Variants in PRICKLE4 observed in about 807,000 individuals in gnomAD.
PRICKLE4 encodes prickle-like protein 4.
PRICKLE4 carries 40 observed loss-of-function variants against 43.5 expected under a neutral mutation model. The observed-to-expected ratio is 0.92, with a 90% CI of 0.71 to 1.20. The LOEUF (loss-of-function observed/expected upper bound fraction) is 1.20. Among genes scored for constraint, PRICKLE4 ranks in the 50% most tolerant of loss-of-function variants. The pLI is 0.00. For missense variants in PRICKLE4, 527 were observed against 491.2 expected (o/e 1.07, Z -0.69); for synonymous variants, 208 against 197.4 (o/e 1.05, Z -0.45).
rs1772683660 is a variant in PRICKLE4, at chr6:41,787,346, T to G, written c.*217T>G. ...CTTGGCAAAACCCATTCCCCAAAGC[T>G]ACGCTTCCCCTGCTGAGATAGCCCC... is the stretch of plus-strand genomic sequence containing the variant. On this transcript the variant is annotated 3_prime_UTR_variant, in exon 8 of 8. Coordinates refer to ENST00000458694, the MANE Select transcript of PRICKLE4 (RefSeq NM_013397.6). 3 of 713,804 alleles carry G rather than the reference T, an allele frequency of 4.2e-6. No individual in the cohort carries two copies. The South Asian group carries it at 6.3e-5, about 15-fold the overall frequency. The allele number at this position is 713,804 out of a possible 1,614,324, so 44.2% of individuals were successfully genotyped here. A position where few individuals can be genotyped will look rare whatever the true frequency, so the allele number is the denominator to read the frequency against.
chr6:41,782,527 C>G (rs893131770), intron 2 of PRICKLE4, among the ~76,000 whole-genome samples: 3 of 151,812 alleles, frequency 2.0e-5, no homozygotes, highest in Admixed American at 1.3e-4. Flanking sequence ...GTAGCTGGGA[C>G]TATAGGCGCC....
In PRICKLE4 at chr6:41,787,068, C is replaced by A; in HGVS notation, c.1094C>A (p.Thr365Asn). ...LGERLPQSWK[T>N]PGSLQAEDSN... ...GAGCGCCTTCCCCAGTCCTGGAAGA[C>A]CCCCGGAAGCCTCCAAGCAGAGGAC... The change falls in exon 8 of 8, where the codon ACC becomes AAC. Residue 365 changes from threonine (T) to asparagine (N), a missense_variant. Transcript: ENST00000458694. The A allele has an allele frequency of 6.2e-7, 1 of 1,613,138 alleles. No homozygotes were observed. Among genetic ancestry groups the A allele is most frequent in the South Asian group, 1.1e-5 (1 of 91,064 alleles).
chr6:41,781,993 C>T (rs1772560777), intron 2 of PRICKLE4, among the ~76,000 whole-genome samples: 1 of 151,952 alleles, frequency 6.6e-6, no homozygotes, highest in African/African-American at 2.4e-5. Flanking sequence ...CCCATTCTAC[C>T]TGGTTTCATC....
At chr6:41,783,955 G>A in intron 3 of PRICKLE4, 176 bp from the exon 4 acceptor site, 1 of 669,822 alleles carries the variant, frequency 1.5e-6, no homozygotes. Flanking sequence ...ACACATGCAG[G>A]CATCAGTCAG....
At position 41,785,505 on chromosome 6, in the gene PRICKLE4, G is replaced by A. The variant is rs773361594; in HGVS notation, c.547G>A (p.Glu183Lys). Residue 183 changes from glutamate (E) to lysine (K), a missense_variant, in exon 6 of 8, where the codon GAG becomes AAG. Coordinates refer to ENST00000458694, the MANE Select transcript of PRICKLE4 (RefSeq NM_013397.6). ...GQLYCGRHHAELLRPRCPACD... is the reference protein window; with the variant it reads ...GQLYCGRHHAKLLRPRCPACD... ...ACTCTACTGCGGCCGTCATCATGCA[G>A]AGTTGCTGCGCCCGCGCTGCCCGGC... The A allele has an allele frequency of 1.9e-6, 3 of 1,613,708 alleles. No homozygotes were observed. In the Admixed American group the frequency reaches 5.0e-5, roughly 27 times the overall value.
At chr6:41,786,561 C>T (rs1249605313) in intron 7 of PRICKLE4, 1 of 1,068,932 alleles carries the variant, frequency 9.4e-7, no homozygotes, top group Non-Finnish European at 1.4e-6. Context: ...GGGGTTGCGG[C>T]GCCAGACTCC....
Position 41,786,840 on chromosome 6 carries a change from C to T in PRICKLE4, c.866C>T (p.Ala289Val). Residue 289 changes from alanine to valine, a missense_variant, in exon 8 of 8, where the codon GCT becomes GTT. By Grantham distance (64) the Ala-to-Val change is moderately conservative. Coordinates refer to ENST00000458694, the MANE Select transcript of PRICKLE4 (RefSeq NM_013397.6). ...NSATLSRTLL[A>V]AAGGSSLQTQ... ...GCAACCCTCTCCCGAACACTCCTCG[C>T]TGCTGCCGGCGGTTCCAGCCTGCAA... 1 of 1,501,870 alleles carries T rather than the reference C, an allele frequency of 6.7e-7. No homozygotes were observed. Among genetic ancestry groups the T allele is most frequent in the Non-Finnish European group, 9.0e-7 (1 of 1,109,312 alleles). 93.0% of individuals were successfully genotyped at this position (1,501,870 alleles called of 1,614,324 possible).
intron 3 of PRICKLE4, 144 bp downstream of exon 3, chr6:41,783,749 C>A: frequency 7.9e-6 from 9 of 1,143,426 alleles, no homozygotes; most frequent in Non-Finnish European, 1.2e-5. Context: ...CCTGTCTCTG[C>A]ACCTGCTTAG....
intron 2 of PRICKLE4, among the ~76,000 whole-genome samples, chr6:41,783,079 A>G (rs2127305497): frequency 6.6e-6 from 1 of 152,304 alleles, no homozygotes; most frequent in Non-Finnish European, 1.5e-5. Flanking sequence ...GTGCATGGTG[A>G]GAAACGGTGG....
At position 41,783,616 on chromosome 6, in the gene PRICKLE4, C is replaced by T. The variant is rs373739401; in HGVS notation, c.132+11C>T. The T allele has an allele frequency of 6.2e-7, 1 of 1,612,974 alleles. No homozygotes were observed. The highest frequency in any genetic ancestry group is 8.5e-7 in the Non-Finnish European group (1 of 1,179,274). ...GATACCCATGCTCAGGTAGTAGAGT[C>T]GTGCCCTTCCTCTGAGACCAACATG... On this transcript the variant is annotated intron_variant, in intron 3 of 7. Coordinates refer to ENST00000458694, the MANE Select transcript of PRICKLE4 (RefSeq NM_013397.6).
In PRICKLE4 at chr6:41,787,054, C is replaced by A. The variant is rs1389367791; in HGVS notation, c.1080C>A (p.Pro360=). ...GATTTTTCTTAGGCGAGCGCCTTCC[C>A]CAGTCCTGGAAGACCCCCGGAAGCC... The part of the protein sequence containing the change: ...PEGFFLGERL[P]QSWKTPGSLQ... The change falls in exon 8 of 8, where the codon CCC becomes CCA. Residue 360 remains proline, a synonymous_variant. Coordinates refer to ENST00000458694, the MANE Select transcript of PRICKLE4 (RefSeq NM_013397.6). The A allele has an allele frequency of 1.2e-6, 2 of 1,613,808 alleles. No individual in the cohort carries two copies. Among genetic ancestry groups the A allele is most frequent in the South Asian group, 2.2e-5 (2 of 91,080 alleles).
In PRICKLE4 at chr6:41,786,217, C is replaced by CG; in HGVS notation, c.677dup (p.Arg227ThrfsTer45). 6.2e-7 allele frequency: 1 copy of CG among 1,606,936 alleles called. No homozygotes were observed. Among genetic ancestry groups the CG allele is most frequent in the Non-Finnish European group, 8.5e-7 (1 of 1,174,888 alleles). On this transcript the variant is annotated frameshift_variant, in exon 7 of 8. Transcript: ENST00000458694. LOFTEE classifies it high-confidence loss of function. ...GCCAGGACTGCGCCGGGCCTCTGGG[C>CG]GGGGGACGTTATGCCCTGCCTGGGG...
At position 41,787,035 on chromosome 6, in the gene PRICKLE4, T is replaced by C. The variant is rs1199848123; in HGVS notation, c.1061T>C (p.Phe354Ser). Residue 354 changes from phenylalanine (F) to serine (S), a missense_variant, in exon 8 of 8, where the codon TTC becomes TCC. Phe to Ser is a radical substitution (Grantham distance 155, BLOSUM62 -2). Coordinates refer to ENST00000458694, the MANE Select transcript of PRICKLE4 (RefSeq NM_013397.6). ...TCTGACTCGGAACCTGAAGGATTTT[T>C]CTTAGGCGAGCGCCTTCCCCAGTCC... Reference protein sequence around the residue: ...SSSDSEPEGFFLGERLPQSWK... With the variant: ...SSSDSEPEGFSLGERLPQSWK... 1 of 1,613,962 alleles carries C rather than the reference T, an allele frequency of 6.2e-7. No homozygotes were observed. Among genetic ancestry groups the C allele is most frequent in the Non-Finnish European group, 8.5e-7 (1 of 1,180,004 alleles).
chr6:41,782,996 C>T (rs1772578267), intron 2 of PRICKLE4, among the ~76,000 whole-genome samples: 1 of 152,074 alleles, frequency 6.6e-6, no homozygotes, highest in Admixed American at 6.5e-5. Flanking sequence ...TAACCAGAGG[C>T]CCAAGCCTAT....
At chr6:41,786,078 A>G (rs1461948483) in intron 6 of PRICKLE4, 50 bp from the exon 7 acceptor site, 2 of 1,551,660 alleles carry the variant, frequency 1.3e-6, no homozygotes, top group African/African-American at 2.7e-5. Flanking sequence ...GGATGAATGA[A>G]TGAGGGAATG....
chr6:41,787,168 G>T lies in PRICKLE4; in HGVS notation c.*39G>T. ...AGAGGGGATGTGAGTGGGAGGAAAG[G>T]GGTCTGTAAAGCGGGAGAACAAGGC... On this transcript the variant is annotated 3_prime_UTR_variant, in exon 8 of 8. Coordinates refer to ENST00000458694, the MANE Select transcript of PRICKLE4 (RefSeq NM_013397.6). The T allele has an allele frequency of 6.5e-7, 1 of 1,549,084 alleles. No individual in the cohort carries two copies. The highest frequency in any genetic ancestry group is 8.7e-7 in the Non-Finnish European group (1 of 1,154,306).
rs1402737203 is a variant in PRICKLE4, at chr6:41,785,403, T to C, written c.445T>C (p.Trp149Arg). Reference protein sequence around the residue: ...FAARAGEQRCWHQPCFACQAC... With the variant: ...FAARAGEQRCRHQPCFACQAC... ...AGCCCGGGCAGGGGAACAGCGCTGC[T>C]GGCACCAGCCTTGCTTTGCCTGCCA... Residue 149 changes from tryptophan to arginine, a missense_variant, in exon 6 of 8, where the codon TGG (tryptophan) becomes CGG (arginine). By Grantham distance (101) the Trp-to-Arg change is moderately radical. Transcript: ENST00000458694. The C allele has an allele frequency of 2.5e-6, 4 of 1,614,158 alleles. No individual in the cohort carries two copies. In the South Asian group the frequency reaches 3.3e-5, roughly 13 times the overall value.
intron 1 of PRICKLE4, chr6:41,781,126 C>CGGA (rs1238455022): frequency 3.3e-5 from 5 of 152,990 alleles, no homozygotes; most frequent in Non-Finnish European, 5.8e-5. Flanking sequence ...CCCTCTTGCA[C>CGGA]GGAGGCTCTG....
rs1445612184 is a variant in PRICKLE4 at position 41,785,540 on chromosome 6, G to A, written c.582G>A (p.Gln194=). The A allele has an allele frequency of 6.2e-7, 1 of 1,611,944 alleles. No individual in the cohort carries two copies. Among genetic ancestry groups the A allele is most frequent in the South Asian group, 1.1e-5 (1 of 91,050 alleles). ...GCCCGCGCTGCCCGGCTTGTGACCA[G>A]GTACAGCCTGGAGGGGAGGAACTGG... The part of the protein sequence containing the change: ...LLRPRCPACD[Q]LIFSWRCTEA... Residue 194 remains glutamine, a splice_region_variant and synonymous_variant, in exon 6 of 8, where the codon CAG becomes CAA. Transcript: ENST00000458694.
Sources: gnomAD v4.1 joint callset for allele counts (sites outside exome capture counted in the v4.1 genomes callset) on GRCh38, gnomAD v4.1.1 for gene constraint, MANE v1.5 for transcripts, NCBI Gene and HGNC (gene_info 2026-07-23, HGNC 2026-07-21) for gene names.